Variants in ZNF582 observed in about 807,000 individuals in gnomAD.
The protein encoded by ZNF582 is zinc finger protein 582.
In ZNF582, 14 loss-of-function variants were observed where a neutral mutation model predicts 12.3. The observed-to-expected ratio is 1.14, with a 90% CI of 0.75 to 1.78. ZNF582 has a LOEUF of 1.78. Among genes scored for constraint, ZNF582 ranks in the 40% most tolerant of loss-of-function variants. ZNF582 has a pLI of 0.00. For synonymous variants in ZNF582, 210 were observed against 207.2 expected (o/e 1.01, Z -0.11); for missense variants, 567 against 616.5 (o/e 0.92, Z 0.85).
At chr19:56,389,235 C>T (rs1202388286) in intron 4 of ZNF582, among the ~76,000 whole-genome samples, 1 of 152,192 alleles carries the variant, frequency 6.6e-6, no homozygotes, top group Non-Finnish European at 1.5e-5. Flanking sequence ...GTCCACCTGC[C>T]TCATCAATGT....
At chr19:56,389,757 T>C (rs1302065018) in intron 4 of ZNF582, among the ~76,000 whole-genome samples, 1 of 152,086 alleles carries the variant, frequency 6.6e-6, no homozygotes, top group Non-Finnish European at 1.5e-5. Flanking sequence ...CAAAATACTT[T>C]CCTTAGGAAC....
chr19:56,389,894 G>A (rs1039030509), intron 4 of ZNF582, 107 bp downstream of exon 4: 2 of 820,376 alleles, frequency 2.4e-6, no homozygotes, highest in African/African-American at 3.4e-5. Flanking sequence ...TAAGACATAA[G>A]CTTTGAAGGT....
chr19:56,383,597 A>G (rs1402800366), exon 5 of ZNF582: 10 of 307,594 alleles, frequency 3.3e-5, no homozygotes, highest in East Asian at 5.3e-5. Flanking sequence ...AACTTGTAAG[A>G]AAACTATAAC....
exon 1 of ZNF582, chr19:56,393,507 CCA>C (rs1874897240): frequency 2.0e-6 from 1 of 502,958 alleles, no homozygotes; most frequent in Non-Finnish European, 4.0e-6. Context: ...CGCGCTTCCA[CCA>C]CGGTACCGGT....
At chr19:56,384,902 C>T (rs201702956) in exon 5 of ZNF582, 2 of 1,613,582 alleles carry the variant, frequency 1.2e-6, no homozygotes, top group African/African-American at 2.7e-5. Context: ...TTTATTATAC[C>T]CAAAAGGTTT....
intron 2 of ZNF582, 80 bp from the exon 3 acceptor site, chr19:56,390,581 G>C (rs117001351): frequency 5.2e-6 from 8 of 1,530,338 alleles, no homozygotes; most frequent in Non-Finnish European, 7.1e-6. Context: ...AGGTCTTTGC[G>C]GGAGGGGGGG....
exon 5 of ZNF582, chr19:56,384,884 T>G: frequency 6.2e-7 from 1 of 1,612,854 alleles, no homozygotes; most frequent in Non-Finnish European, 8.5e-7. Flanking sequence ...CCAGAAGTCT[T>G]TTCTACATTT....
At chr19:56,390,011 G>T (rs1435328632) in exon 4 of ZNF582, 2 of 1,613,832 alleles carry the variant, frequency 1.2e-6, no homozygotes, top group South Asian at 1.1e-5. Context: ...CTGGACACAG[G>T]CCTCCAGACA....
At chr19:56,393,291 G>A (rs1347020771) in exon 1 of ZNF582, 1 of 1,238,554 alleles carries the variant, frequency 8.1e-7, no homozygotes, top group Non-Finnish European at 1.0e-6. Flanking sequence ...ACGCCGCGAG[G>A]GCCGGCGGGA....
chr19:56,384,768 G>T (rs753345548), exon 5 of ZNF582: 1 of 1,599,882 alleles, frequency 6.3e-7, no homozygotes, highest in Non-Finnish European at 8.5e-7. Context: ...ATATTCTCAT[G>T]TTGAATTAGT....
chr19:56,388,713 A>G (rs918021443), intron 4 of ZNF582, among the ~76,000 whole-genome samples: 7 of 151,932 alleles, frequency 4.6e-5, no homozygotes, highest in Admixed American at 2.0e-4. Context: ...GATCACTGCA[A>G]TCTCCGCCTC....
At chr19:56,384,564 A>G (rs1488602656) in exon 5 of ZNF582, 8 of 1,613,992 alleles carry the variant, frequency 5.0e-6, no homozygotes, top group Non-Finnish European at 6.8e-6. Context: ...CATTCCTTAC[A>G]CTGATAGGGT....
chr19:56,384,224 T>A, exon 5 of ZNF582: 1 of 1,613,812 alleles, frequency 6.2e-7, no homozygotes, highest in Non-Finnish European at 8.5e-7. Flanking sequence ...ACCACATACC[T>A]TACATTGGTA....
chr19:56,390,777 A>G (rs560987180), intron 2 of ZNF582, among the ~76,000 whole-genome samples: 6 of 152,246 alleles, frequency 3.9e-5, no homozygotes, highest in Non-Finnish European at 8.8e-5. Flanking sequence ...GTTAAGAAAC[A>G]GTGTAATAAA....
exon 5 of ZNF582, chr19:56,383,201 TG>T (rs1453823821): frequency 1.3e-5 from 2 of 152,182 alleles, no homozygotes; most frequent in Non-Finnish European, 2.9e-5. Context: ...CATAAAACAA[TG>T]TAACAATGTG....
At position 56,384,222 on chromosome 19, in the gene ZNF582, C is replaced by G. The variant is rs1184260914; in HGVS notation, c.1195G>C (p.Val399Leu). ...ACCCGTTTGAAGGCCCTACCACATA[C>G]CTTACATTGGTAGGGTTTCTCTCCA... The change falls in exon 5 of 5, where the codon GTA (valine) becomes CTA (leucine). Residue 399 changes from valine to leucine, a missense_variant. Transcript: ENST00000586929. 1.2e-5 allele frequency: 20 copies of G among 1,613,398 alleles called. No homozygotes were observed. The highest frequency in any genetic ancestry group is 1.7e-5 in the Non-Finnish European group (20 of 1,179,746).
At chr19:56,391,817 T>C in exon 2 of ZNF582, 1 of 1,613,580 alleles carries the variant, frequency 6.2e-7, no homozygotes. Flanking sequence ...AAGGGCAGAG[T>C]CCTGCGACGG....
intron 4 of ZNF582, among the ~76,000 whole-genome samples, chr19:56,386,905 T>C (rs1165719803): frequency 1.3e-5 from 2 of 152,266 alleles, no homozygotes; most frequent in African/African-American, 2.4e-5. Context: ...TCATACATCA[T>C]AGATTCAAGG....
At chr19:56,391,163 CTCACCCACCTAGATGA>C (rs1289833618) in intron 2 of ZNF582, among the ~76,000 whole-genome samples, 1 of 152,204 alleles carries the variant, frequency 6.6e-6, no homozygotes, top group African/African-American at 2.4e-5. Flanking sequence ...GCCCTGACCA[CTCACCCACCTAGATGA>C]TCATCTCACT....
Sources: gnomAD v4.1 joint callset for allele counts (sites outside exome capture counted in the v4.1 genomes callset) on GRCh38, gnomAD v4.1.1 for gene constraint, MANE v1.5 for transcripts, NCBI Gene and HGNC (gene_info 2026-07-23, HGNC 2026-07-21) for gene names.